Variants in ANKS1B observed in about 807,000 individuals in gnomAD.
The protein encoded by ANKS1B is ankyrin repeat and sterile alpha motif domain-containing protein 1B.
Under a neutral mutation model 148.3 loss-of-function variants are expected in ANKS1B, and 36 were observed. The observed-to-expected ratio is 0.24, with a 90% CI of 0.19 to 0.32. ANKS1B has a LOEUF of 0.32. Among genes scored for constraint, ANKS1B ranks in the 10% least tolerant of loss-of-function variants. The pLI, the probability that ANKS1B is intolerant of heterozygous loss-of-function variation, is 1.00. For synonymous variants in ANKS1B, 542 were observed against 560.8 expected (o/e 0.97, Z 0.47); for missense variants, 1,157 against 1,542.6 (o/e 0.75, Z 4.19).
At chr12:99,149,664 G>A (rs559193946) in intron 15 of ANKS1B, among the ~76,000 whole-genome samples, 2 of 152,182 alleles carry the variant, frequency 1.3e-5, no homozygotes, top group Non-Finnish European at 2.9e-5. Flanking sequence ...TCATGGTGAG[G>A]TTATTGGTCA....
At chr12:99,532,324 G>A (rs1400565855) in intron 9 of ANKS1B, among the ~76,000 whole-genome samples, 1 of 152,064 alleles carries the variant, frequency 6.6e-6, no homozygotes, top group African/African-American at 2.4e-5. Context: ...ATGGTTTCAG[G>A]TCTTACATTT....
chr12:99,571,541 G>A (rs1168705306), intron 9 of ANKS1B, among the ~76,000 whole-genome samples: 1 of 151,956 alleles, frequency 6.6e-6, no homozygotes, highest in African/African-American at 2.4e-5. Flanking sequence ...AAACCCAGAA[G>A]GCCTAAATAT....
intron 12 of ANKS1B, among the ~76,000 whole-genome samples, chr12:99,391,760 C>T (rs1197884704): frequency 6.6e-6 from 1 of 152,180 alleles, no homozygotes; most frequent in Non-Finnish European, 1.5e-5. Context: ...TCAAGCATCT[C>T]GTAACCTGTA....
intron 9 of ANKS1B, among the ~76,000 whole-genome samples, chr12:99,513,080 T>C (rs894581872): frequency 6.6e-6 from 1 of 151,482 alleles, no homozygotes; most frequent in African/African-American, 2.4e-5. Flanking sequence ...ACTGTCACAG[T>C]CACCTAAGCT....
intron 11 of ANKS1B, among the ~76,000 whole-genome samples, chr12:99,429,301 GA>G (rs1313849136): frequency 1.3e-5 from 2 of 152,156 alleles, no homozygotes; most frequent in Non-Finnish European, 2.9e-5. Flanking sequence ...GATGCAATAA[GA>G]AAAACAGAGT....
At chr12:99,301,884 C>T (rs922125082) in intron 12 of ANKS1B, among the ~76,000 whole-genome samples, 4 of 152,054 alleles carry the variant, frequency 2.6e-5, no homozygotes, top group African/African-American at 9.7e-5. Context: ...TGAGGTTAGT[C>T]TTTGAAAAGG....
chr12:99,313,220 A>T (rs1369282710), intron 12 of ANKS1B, among the ~76,000 whole-genome samples: 1 of 152,090 alleles, frequency 6.6e-6, no homozygotes, highest in East Asian at 1.9e-4. Context: ...AGAAACCAGG[A>T]TGATATCGTA....
chr12:99,860,558 G>C (rs1221792741), intron 1 of ANKS1B, among the ~76,000 whole-genome samples: 3 of 152,184 alleles, frequency 2.0e-5, no homozygotes, highest in African/African-American at 7.2e-5. Flanking sequence ...GATCCCTCTG[G>C]AGGACACATG....
At chr12:98,827,987 G>A (rs1190483711) in intron 19 of ANKS1B, among the ~76,000 whole-genome samples, 4 of 152,130 alleles carry the variant, frequency 2.6e-5, no homozygotes, top group African/African-American at 7.2e-5. Context: ...CTATTTAAAA[G>A]AGCACCAGTG....
rs111299292 is a variant in ANKS1B, at chr12:98,738,533, A to G, written c.691-2899T>C. Among the ~76,000 whole-genome samples, 979 of 152,260 alleles carry G rather than the reference A, an allele frequency of 6.4e-3. 10 individuals carry two copies. The highest frequency in any genetic ancestry group is 0.022 in the African/African-American group (920 of 41,532). ...GCCGCTCCACTCGAGGCACTGCCCA[A>G]CTCTCATTTATCTTCACAGAAGTTG... On this transcript the variant is annotated intron_variant, in intron 9 of 9. Coordinates refer to the ANKS1B transcript ENST00000341752.
At chr12:99,736,336 T>C (rs1042543280) in intron 8 of ANKS1B, among the ~76,000 whole-genome samples, 1 of 148,496 alleles carries the variant, frequency 6.7e-6, no homozygotes, top group African/African-American at 2.5e-5. Context: ...TTTGATCTTA[T>C]ATTTAGAAAA....
intron 14 of ANKS1B, among the ~76,000 whole-genome samples, chr12:99,183,923 G>T (rs1253467041): frequency 6.6e-6 from 1 of 152,036 alleles, no homozygotes; most frequent in Non-Finnish European, 1.5e-5. Flanking sequence ...TACAAAGGAG[G>T]TTAATGACAA....
intron 17 of ANKS1B, among the ~76,000 whole-genome samples, chr12:98,884,925 C>T (rs1277608929): frequency 1.3e-5 from 2 of 152,014 alleles, no homozygotes; most frequent in African/African-American, 2.4e-5. Flanking sequence ...TTGACAATTC[C>T]ATGTGGATGT....
rs11109847 is a variant in ANKS1B, at chr12:99,453,019, A to C, written c.1439-9210T>G. ...ACAAAGAAGAGATGAGGCCGGGCAC[A>C]GTGGCTCACGCCTGTAATCCTAGCA... On this transcript the variant is annotated intron_variant, in intron 10 of 26. Coordinates refer to ENST00000683438, the MANE Select transcript of ANKS1B (RefSeq NM_001352186.2). Among the ~76,000 whole-genome samples, 811 of 152,166 alleles carry C rather than the reference A, an allele frequency of 5.3e-3. 3 individuals are homozygous for C. The highest frequency in any genetic ancestry group is 8.9e-3 in the Non-Finnish European group (604 of 67,964).
chr12:99,294,064 G>A (rs1036304415), intron 12 of ANKS1B, among the ~76,000 whole-genome samples: 15 of 152,090 alleles, frequency 9.9e-5, no homozygotes, highest in African/African-American at 1.9e-4. Flanking sequence ...GGGAACCCTC[G>A]TAAACTGTTT....
chr12:99,694,516 G>C (rs2053609461), intron 8 of ANKS1B, among the ~76,000 whole-genome samples: 1 of 151,568 alleles, frequency 6.6e-6, no homozygotes, highest in South Asian at 2.1e-4. Flanking sequence ...TTTCTATATG[G>C]AGTTTCAACA....
In ANKS1B at chr12:99,591,067, C is replaced by T. The variant is rs571855043; in HGVS notation, c.1272+64000G>A. ...TTTCCTTTCCTTTATTTGGTATCTTCCATAGCACTGGTATTGTGCTGTGTA... is the reference window on the plus strand; with the variant it reads ...TTTCCTTTCCTTTATTTGGTATCTTTCATAGCACTGGTATTGTGCTGTGTA... On this transcript the variant is annotated intron_variant, in intron 9 of 26. Coordinates refer to ENST00000683438, the MANE Select transcript of ANKS1B (RefSeq NM_001352186.2). Among the ~76,000 whole-genome samples the T allele has an allele frequency of 3.6e-4, 54 of 151,832 alleles. 1 individual carries two copies. The highest frequency in any genetic ancestry group is 6.8e-3 in the Middle Eastern group (2 of 294).
At chr12:98,985,411 T>C (rs1004015026) in intron 17 of ANKS1B, among the ~76,000 whole-genome samples, 4 of 152,174 alleles carry the variant, frequency 2.6e-5, no homozygotes, top group Non-Finnish European at 5.9e-5. Flanking sequence ...TTCCCAACTT[T>C]CTATGTCTTT....
chr12:98,894,588 GC>G, intron 17 of ANKS1B: 1 of 985,262 alleles, frequency 1.0e-6, no homozygotes, highest in Admixed American at 6.1e-5. Flanking sequence ...GTCTCGGCGA[GC>G]GGGGGCCGCG....
Sources: gnomAD v4.1 joint callset for allele counts (sites outside exome capture counted in the v4.1 genomes callset) on GRCh38, gnomAD v4.1.1 for gene constraint, MANE v1.5 for transcripts, NCBI Gene and HGNC (gene_info 2026-07-23, HGNC 2026-07-21) for gene names.